The following SLC35F3 variants were observed in gnomAD, a reference collection of about 807,000 sequenced individuals.
SLC35F3 encodes the protein solute carrier family 35 member F3.
SLC35F3 carries 25 observed loss-of-function variants against 49.9 expected under a neutral mutation model. That is an observed-to-expected ratio of 0.50 (90% CI 0.37 to 0.70). The LOEUF is 0.70. Ranked by LOEUF, SLC35F3 falls within the 30% of genes least tolerant of loss-of-function variation. The pLI is 0.00. For missense variants in SLC35F3, 525 were observed against 639.8 expected (o/e 0.82, Z 1.94); for synonymous variants, 275 against 265.4 (o/e 1.04, Z -0.35).
rs373801722 is a variant in SLC35F3, at chr1:234,309,194, C to T, written c.702C>T (p.Asn234=). 14 of 1,614,058 alleles carry T rather than the reference C, an allele frequency of 8.7e-6. No homozygotes were observed. Among genetic ancestry groups the T allele is most frequent in the Non-Finnish European group, 1.1e-5 (13 of 1,180,024 alleles). The change falls in exon 4 of 8, where the codon AAC becomes AAT. Residue 234 remains asparagine (N), a synonymous_variant. Transcript: ENST00000366618. ...TTGGTGTTCTTTGGACACTCACAAACTACCTGTACTTACATGCAATAAAGA... is the reference window on the plus strand; with the variant it reads ...TTGGTGTTCTTTGGACACTCACAAATTACCTGTACTTACATGCAATAAAGA... The part of the protein sequence containing the change: ...APFGVLWTLT[N]YLYLHAIKKI...
chr1:234,297,831 G>T (rs899219504), intron 3 of SLC35F3, among the ~76,000 whole-genome samples: 1 of 152,044 alleles, frequency 6.6e-6, no homozygotes, highest in Admixed American at 6.5e-5. Flanking sequence ...AAACAGGGAA[G>T]AGTTAGTCAG....
In SLC35F3 at chr1:234,231,561, T is replaced by C; in HGVS notation, c.428T>C (p.Leu143Pro). 6.2e-7 allele frequency: 1 copy of C among 1,614,152 alleles called. No individual in the cohort carries two copies. Reference sequence around the variant, plus strand: ...ATCTTCTGGGGCGTGGCGGTCGTGCTGTGCGTGTGCTCCTCGTGGGCGGGC... The same window carrying C: ...ATCTTCTGGGGCGTGGCGGTCGTGCCGTGCGTGTGCTCCTCGTGGGCGGGC... The part of the protein sequence containing the change: ...KKIFWGVAVV[L>P]CVCSSWAGST... Residue 143 changes from leucine (L) to proline (P), a missense_variant, in exon 3 of 8, where the codon CTG becomes CCG. Transcript: ENST00000366618. This position sits in a 1 kb window ranked among gnomAD's most constrained non-coding sequence, Gnocchi z 5.4.
chr1:234,018,820 A>C (rs1572021482), intron 2 of SLC35F3, among the ~76,000 whole-genome samples: 1 of 152,336 alleles, frequency 6.6e-6, no homozygotes, highest in South Asian at 2.1e-4. Context: ...TCATTTGGGA[A>C]GTTCTCTAAT....
chr1:234,025,764 G>A lies in SLC35F3; in HGVS notation c.283+120006G>A, dbSNP rs375478790. Among the ~76,000 whole-genome samples the A allele has an allele frequency of 1.4e-3, 214 of 152,232 alleles. 6 individuals are homozygous for A. In the South Asian group the frequency reaches 0.043, roughly 31 times the overall value. On this transcript the variant is annotated intron_variant, in intron 2 of 7. Coordinates refer to ENST00000366618, the MANE Select transcript of SLC35F3 (RefSeq NM_173508.4). ...AAATATTTTCTCCATTCTGTAGGTC[G>A]TCTGTTTACTCTGTTGATAGTTTCT...
At chr1:234,317,506 T>C (rs1657519958) in intron 5 of SLC35F3, among the ~76,000 whole-genome samples, 2 of 152,190 alleles carry the variant, frequency 1.3e-5, no homozygotes, top group Non-Finnish European at 2.9e-5. Context: ...GATTTTAGTT[T>C]TGAGACGTAT....
chr1:233,946,140 G>T (rs1662509675), intron 2 of SLC35F3, among the ~76,000 whole-genome samples: 1 of 152,220 alleles, frequency 6.6e-6, no homozygotes, highest in South Asian at 2.1e-4. Flanking sequence ...TGACCAGGAA[G>T]AAATACTTGA....
At chr1:234,058,161 A>G (rs1332826747) in intron 2 of SLC35F3, among the ~76,000 whole-genome samples, 1 of 151,394 alleles carries the variant, frequency 6.6e-6, no homozygotes, top group Non-Finnish European at 1.5e-5. Context: ...AGAGTGTCAC[A>G]TATTGTCAAT....
chr1:234,101,622 G>A (rs1052792584), intron 2 of SLC35F3, among the ~76,000 whole-genome samples: 1 of 152,204 alleles, frequency 6.6e-6, no homozygotes, highest in Non-Finnish European at 1.5e-5. Flanking sequence ...AAAAATGTTG[G>A]TTATTTTCCT....
intron 2 of SLC35F3, among the ~76,000 whole-genome samples, chr1:234,086,176 G>A (rs1664957846): frequency 6.6e-6 from 1 of 152,212 alleles, no homozygotes; most frequent in South Asian, 2.1e-4. Flanking sequence ...GGACCTGGAT[G>A]TACCCCTGTA....
intron 2 of SLC35F3, among the ~76,000 whole-genome samples, chr1:234,049,804 C>A (rs546475376): frequency 6.6e-6 from 1 of 152,212 alleles, no homozygotes; most frequent in South Asian, 2.1e-4. Flanking sequence ...AACCCCACGA[C>A]GGGCCCCGGT....
rs2102846139 is a variant in SLC35F3 at position 234,027,164 on chromosome 1, C to A, written c.283+121406C>A. On this transcript the variant is annotated intron_variant, in intron 2 of 7. Coordinates refer to ENST00000366618, the MANE Select transcript of SLC35F3 (RefSeq NM_173508.4). The surrounding 1 kb of genome is among the most constrained non-coding windows in gnomAD (Gnocchi z 4.1). ...CCAGGAAATGAGTTGGTTGTATAAC[C>A]AGTCAATAGGCAAGTTTTACCTGCA... 1 of 155,516 alleles carries A rather than the reference C, an allele frequency of 6.4e-6. No homozygotes were observed. The highest frequency in any genetic ancestry group is 1.8e-4 in the South Asian group (1 of 5,442). 9.6% of individuals were successfully genotyped at this position (155,516 alleles called of 1,614,324 possible).
chr1:234,056,885 C>T (rs947411600), intron 2 of SLC35F3, among the ~76,000 whole-genome samples: 2 of 152,030 alleles, frequency 1.3e-5, no homozygotes, highest in African/African-American at 4.8e-5. Context: ...GTGTGGATAC[C>T]CAGTTGTGCC....
intron 2 of SLC35F3, among the ~76,000 whole-genome samples, chr1:234,033,372 T>C (rs1664090759): frequency 6.6e-6 from 1 of 152,240 alleles, no homozygotes. Flanking sequence ...AAGTCCCATC[T>C]ATTTATCTTT....
chr1:234,002,851 A>G (rs1050599658), intron 2 of SLC35F3, among the ~76,000 whole-genome samples: 3 of 152,192 alleles, frequency 2.0e-5, no homozygotes, highest in African/African-American at 7.2e-5. Flanking sequence ...TTATGTCAGT[A>G]TGGACTCATG....
intron 2 of SLC35F3, among the ~76,000 whole-genome samples, chr1:234,171,428 G>A (rs777793679): frequency 4.6e-5 from 7 of 152,300 alleles, no homozygotes; most frequent in Non-Finnish European, 8.8e-5. Context: ...TCTGGCACAT[G>A]TTGAGATAGA....
rs1662989692 is a variant in SLC35F3, at chr1:233,971,418, T to C, written c.283+65660T>C. Among the ~76,000 whole-genome samples the C allele has an allele frequency of 2.0e-5, 3 of 152,292 alleles. No homozygotes were observed. In the South Asian group the frequency reaches 6.2e-4, roughly 32 times the overall value. On this transcript the variant is annotated intron_variant, in intron 2 of 7. Coordinates refer to ENST00000366618, the MANE Select transcript of SLC35F3 (RefSeq NM_173508.4). ...TCAAATCCTATGAAAATAAGGACAG[T>C]TATCAAAAGATACCCAGCTGGGCGC...
intron 2 of SLC35F3, among the ~76,000 whole-genome samples, chr1:234,068,903 A>G (rs1387093549): frequency 2.3e-5 from 3 of 128,310 alleles, no homozygotes; most frequent in Non-Finnish European, 3.2e-5. Flanking sequence ...TATATATTAT[A>G]TATATTTTTA....
intron 7 of SLC35F3, among the ~76,000 whole-genome samples, chr1:234,321,495 G>C (rs1657619158): frequency 6.6e-6 from 1 of 152,168 alleles, no homozygotes; most frequent in Non-Finnish European, 1.5e-5. Context: ...GATGCTGCAG[G>C]CTTCTGAAAA....
chr1:234,289,291 C>A (rs1465658239), intron 3 of SLC35F3, among the ~76,000 whole-genome samples: 4 of 152,130 alleles, frequency 2.6e-5, no homozygotes, highest in Non-Finnish European at 5.9e-5. Flanking sequence ...AATAAAATTC[C>A]ACACAAGTTT....
Sources: gnomAD v4.1 joint callset for allele counts (sites outside exome capture counted in the v4.1 genomes callset) on GRCh38, gnomAD v4.1.1 for gene constraint, Gnocchi (gnomAD v3.1) non-coding constraint, MANE v1.5 for transcripts, NCBI Gene and HGNC (gene_info 2026-07-23, HGNC 2026-07-21) for gene names.